The following TMC2 variants were observed in gnomAD, a reference collection of about 807,000 sequenced individuals.
TMC2 encodes the protein transmembrane channel-like protein 2.
TMC2 carries 102 observed loss-of-function variants against 105.9 expected under a neutral mutation model. The observed-to-expected ratio is 0.96, with a 90% CI of 0.82 to 1.14. The LOEUF (loss-of-function observed/expected upper bound fraction) is 1.14. TMC2 is among the 50% of genes most tolerant of loss of function. The probability of loss-of-function intolerance (pLI) is 0.00; values close to 1 mark genes in which losing one functional copy is unlikely to be tolerated. For synonymous variants in TMC2, 402 were observed against 422.8 expected, an observed-to-expected ratio of 0.95 and a Z score of 0.60; for missense variants, 1,093 against 1,134.3, an observed-to-expected ratio of 0.96 and a Z score of 0.52.
chr20:2,544,426 C>T (rs2085910715), intron 2 of TMC2, among the ~76,000 whole-genome samples: 1 of 152,116 alleles, frequency 6.6e-6, no homozygotes, highest in African/African-American at 2.4e-5. Flanking sequence ...AGATCTCATC[C>T]CGAATCTAGA....
At chr20:2,595,818 G>T (rs1004609875) in intron 9 of TMC2, among the ~76,000 whole-genome samples, 3 of 152,096 alleles carry the variant, frequency 2.0e-5, no homozygotes, top group Non-Finnish European at 2.9e-5. Flanking sequence ...GTGAAGTCTG[G>T]GTACAGCCCC....
At chr20:2,571,939 G>A (rs868736436) in intron 4 of TMC2, among the ~76,000 whole-genome samples, 4 of 152,320 alleles carry the variant, frequency 2.6e-5, no homozygotes, top group South Asian at 2.1e-4. Context: ...ACCACCAGAC[G>A]AAGGTCACAG....
chr20:2,629,529 TAAAAAAAA>T (rs56821075), intron 17 of TMC2, among the ~76,000 whole-genome samples: 1 of 116,070 alleles, frequency 8.6e-6, no homozygotes, highest in Non-Finnish European at 1.7e-5. Context: ...CTTACAGAAG[TAAAAAAAA>T]AAAAAAAAAA....
intron 3 of TMC2, among the ~76,000 whole-genome samples, chr20:2,559,669 C>G (rs181853029): frequency 2.0e-5 from 3 of 152,288 alleles, no homozygotes; most frequent in Non-Finnish European, 4.4e-5. Context: ...CCATCTTCCT[C>G]TCCACCTTTA....
At chr20:2,548,184 C>T (rs1351682671) in intron 2 of TMC2, among the ~76,000 whole-genome samples, 1 of 152,210 alleles carries the variant, frequency 6.6e-6, no homozygotes, top group African/African-American at 2.4e-5. Flanking sequence ...TTTCGACAAA[C>T]ACACACATCT....
intron 2 of TMC2, among the ~76,000 whole-genome samples, chr20:2,549,552 G>C (rs1412890689): frequency 6.6e-6 from 1 of 152,132 alleles, no homozygotes; most frequent in East Asian, 1.9e-4. Flanking sequence ...AGACCAGCCT[G>C]GCCAACACGG....
chr20:2,594,307 A>C (rs1050732680), intron 8 of TMC2, among the ~76,000 whole-genome samples: 9 of 143,894 alleles, frequency 6.3e-5, no homozygotes, highest in African/African-American at 2.1e-4. Flanking sequence ...TGCTCACTGC[A>C]ACCTCCACCT....
intron 2 of TMC2, among the ~76,000 whole-genome samples, chr20:2,551,473 C>T (rs2085956676): frequency 6.6e-6 from 1 of 151,268 alleles, no homozygotes; most frequent in Non-Finnish European, 1.5e-5. Context: ...ATTAAAACAT[C>T]AATTTTTCTC....
intron 4 of TMC2, among the ~76,000 whole-genome samples, chr20:2,562,995 A>C (rs1443971513): frequency 2.0e-5 from 3 of 152,128 alleles, no homozygotes; most frequent in African/African-American, 7.2e-5. Context: ...GTCATATTAC[A>C]TACTTTTTGA....
Position 2,592,509 on chromosome 20 carries a change from T to C in TMC2, c.933+101T>C. On this transcript the variant is annotated intron_variant, in intron 8 of 19. Transcript: ENST00000358864. The surrounding 1 kb of genome is among the most constrained non-coding windows in gnomAD (Gnocchi z 4.9). ...AGTGCGTTTAATTATTGAAAAACCA[T>C]TGCTTTAATAGGATCCCAGCACTAA... The C allele has an allele frequency of 3.5e-6, 3 of 851,376 alleles. No homozygotes were observed. Among genetic ancestry groups the C allele is most frequent in the Non-Finnish European group, 6.0e-6 (3 of 503,810 alleles). 52.7% of individuals were successfully genotyped at this position (851,376 alleles called of 1,614,324 possible).
chr20:2,580,881 A>G (rs1409165066), intron 7 of TMC2, among the ~76,000 whole-genome samples: 1 of 152,254 alleles, frequency 6.6e-6, no homozygotes, highest in Non-Finnish European at 1.5e-5. Context: ...TCAGGTCCCC[A>G]GAGTGATGGC....
At chr20:2,630,606 G>T (rs1449812141) in intron 17 of TMC2, among the ~76,000 whole-genome samples, 1 of 152,092 alleles carries the variant, frequency 6.6e-6, no homozygotes, top group Non-Finnish European at 1.5e-5. Flanking sequence ...AAGATTGCTT[G>T]AGCCCAGGAG....
intron 2 of TMC2, among the ~76,000 whole-genome samples, chr20:2,540,225 G>A (rs143166395): frequency 0.033 from 5,044 of 151,470 alleles, 112 homozygotes; most frequent in African/African-American, 0.038. Flanking sequence ...CTCATACCTC[G>A]TGATCCACCC....
rs1282164186 is a variant in TMC2 at position 2,617,576 on chromosome 20, A to G, written c.2180+265A>G. 21 of 502,450 alleles carry G rather than the reference A, an allele frequency of 4.2e-5. No individual in the cohort carries two copies. In the East Asian group the frequency reaches 6.8e-4, roughly 16 times the overall value. 31.1% of individuals were successfully genotyped at this position (502,450 alleles called of 1,614,324 possible). ...GAGGAACTGAGAAAATTAATTTCTC[A>G]TGTATTTTTCTCATTTATTTATTAA... On this transcript the variant is annotated intron_variant, in intron 16 of 19. Transcript: ENST00000358864.
At chr20:2,549,948 C>T (rs2085946999) in intron 2 of TMC2, among the ~76,000 whole-genome samples, 1 of 151,944 alleles carries the variant, frequency 6.6e-6, no homozygotes, top group African/African-American at 2.4e-5. Flanking sequence ...TTTGGGAGGA[C>T]GAGTTGCACA....
intron 4 of TMC2, among the ~76,000 whole-genome samples, chr20:2,569,917 T>G (rs1318033169): frequency 6.6e-6 from 1 of 152,202 alleles, no homozygotes; most frequent in African/African-American, 2.4e-5. Flanking sequence ...GCTCCACGTT[T>G]GATAAAATCT....
intron 8 of TMC2, among the ~76,000 whole-genome samples, chr20:2,593,407 T>C (rs2086282786): frequency 6.6e-6 from 1 of 152,170 alleles, no homozygotes; most frequent in Non-Finnish European, 1.5e-5. Context: ...AATCAATGAA[T>C]ATCTGAGGAG....
rs368480563 is a variant in TMC2, at chr20:2,637,539, C to G, written c.2451C>G (p.Asp817Glu). The G allele has an allele frequency of 1.2e-6, 2 of 1,614,074 alleles. No individual in the cohort carries two copies. The highest frequency in any genetic ancestry group is 1.7e-6 in the Non-Finnish European group (2 of 1,180,004). The change falls in exon 19 of 20, where the codon GAC becomes GAG. Residue 817 changes from aspartate (D) to glutamate (E), a missense_variant. Transcript: ENST00000358864. Reference protein sequence around the residue: ...KGKATARDSEDTPKSSSKNAT... With the variant: ...KGKATARDSEETPKSSSKNAT... ...AAGCCACAGCCAGAGATTCAGAGGA[C>G]ACACCTAAAAGCAGCTCCAAAAATG... is the stretch of plus-strand genomic sequence containing the variant.
rs536879446 is a variant in TMC2, at chr20:2,618,948, G to A, written c.2180+1637G>A. ...GATCACTCATCCAGGGCTGGAAATA[G>A]GGTGAGGCAGGTGAGTGACGCCCTA... On this transcript the variant is annotated intron_variant, in intron 16 of 19. Transcript: ENST00000358864. Among the ~76,000 whole-genome samples, 6 of 152,238 alleles carry A rather than the reference G, an allele frequency of 3.9e-5. No individual in the cohort carries two copies. In the South Asian group the frequency reaches 1.2e-3, roughly 32 times the overall value.
Sources: allele counts gnomAD v4.1 joint callset (sites outside exome capture counted in the v4.1 genomes callset), GRCh38; gene constraint gnomAD v4.1.1; non-coding constraint Gnocchi (gnomAD v3.1); transcripts MANE v1.5; gene names NCBI Gene and HGNC (gene_info 2026-07-23, HGNC 2026-07-21).